MALRD1: variants seen among roughly 807,000 people sequenced by gnomAD.
The protein encoded by MALRD1 is MAM and LDL receptor class A domain containing 1, also known as MAM and LDL-receptor class A domain-containing protein 1.
A neutral mutation model predicts 242.1 loss-of-function variants in MALRD1; 247 were observed. The ratio of observed to expected loss-of-function variants is 1.02; its 90% CI spans 0.92 to 1.13. The LOEUF is 1.13. Among genes scored for constraint, MALRD1 ranks in the 50% most tolerant of loss-of-function variants. The pLI is 0.00. For synonymous variants in MALRD1, 995 were observed against 866.6 expected, an observed-to-expected ratio of 1.15 and a Z score of -2.60; for missense variants, 2,989 against 2,533.1, an observed-to-expected ratio of 1.18 and a Z score of -3.86.
chr10:19,512,923 G>C (rs185238710), intron 31 of MALRD1, among the ~76,000 whole-genome samples: 35 of 152,060 alleles, frequency 2.3e-4, no homozygotes, highest in Middle Eastern at 3.4e-3. Flanking sequence ...AGGACGAAGT[G>C]GTCATCTGGG....
intron 31 of MALRD1, among the ~76,000 whole-genome samples, chr10:19,508,582 A>G (rs981628573): frequency 1.6e-4 from 25 of 152,234 alleles, no homozygotes; most frequent in African/African-American, 6.0e-4. Flanking sequence ...CAAAATTGAC[A>G]TGTGCTCTAT....
At chr10:19,288,707 C>T (rs564741730) in intron 21 of MALRD1, among the ~76,000 whole-genome samples, 6 of 152,120 alleles carry the variant, frequency 3.9e-5, no homozygotes, top group Non-Finnish European at 8.8e-5. Context: ...ATCCTTCCTC[C>T]TCTCATTCTG....
intron 32 of MALRD1, among the ~76,000 whole-genome samples, chr10:19,539,897 T>TGTGTGTGTGCGCGCGC (rs1365113182): frequency 6.8e-5 from 3 of 44,436 alleles, no homozygotes; most frequent in African/African-American, 6.7e-5. Flanking sequence ...TGTGTGTGTG[T>TGTGTGTGTGCGCGCGC]GCGCGCGCGC....
intron 32 of MALRD1, among the ~76,000 whole-genome samples, chr10:19,542,960 C>T (rs1463693163): frequency 8.5e-5 from 13 of 152,104 alleles, no homozygotes; most frequent in Admixed American, 7.9e-4. Flanking sequence ...AAATAGCCCT[C>T]TTTGTAGTTT....
chr10:19,348,569 C>T (rs1844230937), intron 25 of MALRD1, among the ~76,000 whole-genome samples: 1 of 151,990 alleles, frequency 6.6e-6, no homozygotes, highest in African/African-American at 2.4e-5. Context: ...TGGTCATTAG[C>T]CTGTGAAAAA....
intron 28 of MALRD1, among the ~76,000 whole-genome samples, chr10:19,406,023 C>T (rs1847086770): frequency 6.6e-6 from 1 of 152,118 alleles, no homozygotes; most frequent in South Asian, 2.1e-4. Context: ...AATGTCAACT[C>T]TGCCGCTTAC....
chr10:19,159,889 C>T (rs941013921), intron 12 of MALRD1, among the ~76,000 whole-genome samples: 8 of 151,962 alleles, frequency 5.3e-5, no homozygotes, highest in African/African-American at 1.9e-4. Context: ...TTAATGTATA[C>T]ATATATATTT....
intron 14 of MALRD1, among the ~76,000 whole-genome samples, chr10:19,180,086 G>A (rs1588661323): frequency 6.6e-6 from 1 of 152,322 alleles, no homozygotes; most frequent in Middle Eastern, 3.4e-3. Flanking sequence ...GGAAAGGCAA[G>A]AGAAGCATCC....
At position 19,426,876 on chromosome 10, in the gene MALRD1, T is replaced by A. The variant is rs183284634; in HGVS notation, c.4846-23431T>A. Reference sequence around the variant, plus strand: ...TCTATGGGTAGGATTTTATATATATTTTTTTCCTTTTAAATGTGGTCTCAT... The same window carrying A: ...TCTATGGGTAGGATTTTATATATATATTTTTCCTTTTAAATGTGGTCTCAT... On this transcript the variant is annotated intron_variant, in intron 28 of 39. Coordinates refer to ENST00000454679, the MANE Select transcript of MALRD1 (RefSeq NM_001142308.3). 1.2e-3 allele frequency among the ~76,000 whole-genome samples: 187 copies of A among 152,238 alleles called. 1 individual carries two copies. The highest frequency in any genetic ancestry group is 4.0e-3 in the African/African-American group (168 of 41,530).
In MALRD1 at chr10:19,204,991, C is replaced by A; in HGVS notation, c.2304C>A (p.Tyr768Ter). ...CAACAGTGATTTGGAGAGTATTATA[C>A]AATCAGGGCAAACAATGGTTGGAGG... ...HDSTVIWRVL[Y>*]NQGKQWLEAT... The change falls in exon 17 of 40, where the codon TAC (tyrosine) becomes TAA (stop). Residue 768 changes from tyrosine (Y) to a stop codon, truncating the protein, a stop_gained. Coordinates refer to ENST00000454679, the MANE Select transcript of MALRD1 (RefSeq NM_001142308.3). LOFTEE classifies it high-confidence loss of function. 1 of 1,550,804 alleles carries A rather than the reference C, an allele frequency of 6.4e-7. No homozygotes were observed. The highest frequency in any genetic ancestry group is 1.2e-5 in the South Asian group (1 of 84,054).
At chr10:19,666,346 C>T (rs780352479) in intron 36 of MALRD1, among the ~76,000 whole-genome samples, 10 of 152,072 alleles carry the variant, frequency 6.6e-5, no homozygotes, top group Non-Finnish European at 1.2e-4. Context: ...ACATTCTGGA[C>T]GTTGTCATCA....
At chr10:19,331,296 T>C (rs1160914504) in intron 23 of MALRD1, 73 bp from the exon 24 acceptor site, 18 of 1,203,618 alleles carry the variant, frequency 1.5e-5, no homozygotes, top group Admixed American at 2.0e-5. Flanking sequence ...ATTGATGTGC[T>C]TGATACTTAG....
chr10:19,071,132 T>C lies in MALRD1; in HGVS notation c.340+4273T>C, dbSNP rs150646935. 5.1e-4 allele frequency among the ~76,000 whole-genome samples: 77 copies of C among 152,148 alleles called. 2 individuals are homozygous for C. The East Asian group carries it at 0.01, about 20-fold the overall frequency. ...TCCCAAAGTGGTGGGATTATAGGCG[T>C]GAGTCACCAGGTCCAACCTCAAATG... On this transcript the variant is annotated intron_variant, in intron 2 of 39. Coordinates refer to ENST00000454679, the MANE Select transcript of MALRD1 (RefSeq NM_001142308.3).
At chr10:19,254,414 C>T (rs547215022) in intron 18 of MALRD1, among the ~76,000 whole-genome samples, 1 of 151,930 alleles carries the variant, frequency 6.6e-6, no homozygotes, top group East Asian at 1.9e-4. Context: ...CCTGTATAAA[C>T]CTTGTTAATG....
intron 11 of MALRD1, among the ~76,000 whole-genome samples, 190 bp from the exon 12 acceptor site, chr10:19,154,885 A>T (rs781158771): frequency 6.6e-5 from 10 of 152,184 alleles, no homozygotes; most frequent in Non-Finnish European, 1.2e-4. Flanking sequence ...ATTAAATGTT[A>T]TTTTAGGTAT....
intron 36 of MALRD1, among the ~76,000 whole-genome samples, chr10:19,639,986 A>G (rs1840310809): frequency 6.6e-6 from 1 of 152,172 alleles, no homozygotes. Flanking sequence ...GAAATGGGTC[A>G]AGTCACTTTC....
At position 19,265,910 on chromosome 10, in the gene MALRD1, A is replaced by G. The variant is rs1839955406; in HGVS notation, c.3079+8139A>G. Among the ~76,000 whole-genome samples, 5 of 151,866 alleles carry G rather than the reference A, an allele frequency of 3.3e-5. No individual in the cohort carries two copies. In the South Asian group the frequency reaches 1.0e-3, roughly 31 times the overall value. On this transcript the variant is annotated intron_variant, in intron 19 of 39. Coordinates refer to ENST00000454679, the MANE Select transcript of MALRD1 (RefSeq NM_001142308.3). ...ATTTGGGTTCTCTCATATTGAGTAC[A>G]TATATATTTATAATTATTATATTCT...
chr10:19,326,703 A>T lies in MALRD1; in HGVS notation c.3577-860A>T, dbSNP rs570058109. On this transcript the variant is annotated intron_variant, in intron 22 of 39. Coordinates refer to ENST00000454679, the MANE Select transcript of MALRD1 (RefSeq NM_001142308.3). ...ACTCTGGAAACTCCAATTATATTTT[A>T]AAAATGTGAATTTAATTAAAAAAAC... is the stretch of plus-strand genomic sequence containing the variant. Among the ~76,000 whole-genome samples, 308 of 152,216 alleles carry T rather than the reference A, an allele frequency of 2.0e-3. 1 individual carries two copies. Among genetic ancestry groups the T allele is most frequent in the African/African-American group, 6.8e-3 (283 of 41,574 alleles).
intron 38 of MALRD1, chr10:19,721,559 C>T (rs907338083): frequency 6.6e-6 from 1 of 151,734 alleles, no homozygotes; most frequent in Middle Eastern, 3.2e-3. Flanking sequence ...CTAGTAGTAA[C>T]AAATCACATA....
Sources: allele counts gnomAD v4.1 joint callset (sites outside exome capture counted in the v4.1 genomes callset), GRCh38; gene constraint gnomAD v4.1.1; transcripts MANE v1.5; gene names NCBI Gene and HGNC (gene_info 2026-07-23, HGNC 2026-07-21).